The following MARS1 variants were observed in gnomAD, a reference collection of about 807,000 sequenced individuals.
The protein encoded by MARS1 is methionyl-tRNA synthetase 1.
In MARS1, 80 loss-of-function variants were observed where a neutral mutation model predicts 119.5. The ratio of observed to expected loss-of-function variants is 0.67; its 90% CI spans 0.56 to 0.81. The LOEUF (loss-of-function observed/expected upper bound fraction) is 0.81. MARS1 is among the 30% of genes least tolerant of loss of function. The pLI is 0.00. For synonymous variants in MARS1, 418 were observed against 433.4 expected, an observed-to-expected ratio of 0.96 and a Z score of 0.44; for missense variants, 945 against 1,116.5, an observed-to-expected ratio of 0.85 and a Z score of 2.19.
At chr12:57,508,433 C>CG (rs1877338821) in intron 11 of MARS1, among the ~76,000 whole-genome samples, 1 of 152,256 alleles carries the variant, frequency 6.6e-6, no homozygotes, top group Non-Finnish European at 1.5e-5. Flanking sequence ...CCGAGGCTGG[C>CG]GGATCACTGG....
At position 57,489,423 on chromosome 12, in the gene MARS1, G is replaced by A. The variant is rs1331898049; in HGVS notation, c.280-1G>A. 2 of 1,614,142 alleles carry A rather than the reference G, an allele frequency of 1.2e-6. No homozygotes were observed. Among genetic ancestry groups the A allele is most frequent in the South Asian group, 1.1e-5 (1 of 91,086 alleles). ...CCTGACTCATGTCCCCTGCATTTTA[G>A]CCAGCTTTGTCTGCTGCCCTGTACT... On this transcript the variant is annotated splice_acceptor_variant, in intron 3 of 20. Transcript: ENST00000262027. LOFTEE classifies it high-confidence loss of function.
intron 14 of MARS1, 166 bp downstream of exon 14, chr12:57,512,519 G>A: frequency 1.5e-6 from 1 of 658,774 alleles, no homozygotes; most frequent in Admixed American, 2.8e-5. Context: ...AGAACCTGAA[G>A]AAAGCAAAAG....
At chr12:57,489,398 C>T (rs781692382) in intron 3 of MARS1, 26 bp from the exon 4 acceptor site, 2 of 1,614,142 alleles carry the variant, frequency 1.2e-6, no homozygotes, top group Non-Finnish European at 1.7e-6. Context: ...GCGTGGCCAT[C>T]CTGACTCATG....
intron 11 of MARS1, 71 bp from the exon 12 acceptor site, chr12:57,511,627 A>G (rs953171871): frequency 8.4e-6 from 13 of 1,538,580 alleles, no homozygotes; most frequent in South Asian, 1.1e-5. Flanking sequence ...CAAAAAGGTT[A>G]TATGTGTTTA....
Position 57,515,195 on chromosome 12 carries a change from C to G in MARS1, c.2250C>G (p.Ala750=). 5 of 1,614,186 alleles carry G rather than the reference C, an allele frequency of 3.1e-6. No homozygotes were observed. The highest frequency in any genetic ancestry group is 4.2e-6 in the Non-Finnish European group (5 of 1,180,034). The part of the protein sequence containing the change: ...TVTGLAVNIA[A]LLSVMLQPYM... ...CTGGCTTGGCAGTGAATATAGCTGC[C>G]TTGCTCTCTGTCATGCTTCAGCCTT... The change falls in exon 18 of 21, where the codon GCC becomes GCG. Residue 750 remains alanine (A), a synonymous_variant. Coordinates refer to ENST00000262027, the MANE Select transcript of MARS1 (RefSeq NM_004990.4).
chr12:57,493,187 CTT>C (rs1187006493), intron 7 of MARS1, among the ~76,000 whole-genome samples: 1 of 146,922 alleles, frequency 6.8e-6, no homozygotes, highest in East Asian at 2.0e-4. Context: ...AGAGGTGTCT[CTT>C]TTATGGGGCT....
At chr12:57,503,948 A>C in intron 10 of MARS1, 2 of 402,162 alleles carry the variant, frequency 5.0e-6, no homozygotes, top group South Asian at 6.4e-5. Flanking sequence ...AGCCAAGTAC[A>C]GTGCAGTGCT....
chr12:57,499,323 C>T (rs1260957081), intron 9 of MARS1, among the ~76,000 whole-genome samples: 23 of 144,706 alleles, frequency 1.6e-4, no homozygotes, highest in South Asian at 4.4e-4. Flanking sequence ...GGGCTGGGCG[C>T]GGTGGCTCAC....
Position 57,516,247 on chromosome 12 carries a change from A to C in MARS1, c.2466A>C (p.Ala822=), listed in dbSNP as rs770524008. ...SLRQRFGGGQ[A]KTSPKPAVVE... is the part of the protein sequence containing the mutation. ...GTGATAACTTTGTTGTTCTCCAGGC[A>C]AAAACGTCCCCGAAGCCAGCAGTTG... Residue 822 remains alanine, a splice_region_variant and synonymous_variant, in exon 20 of 21, where the codon GCA becomes GCC. Transcript: ENST00000262027. The C allele has an allele frequency of 2.5e-6, 4 of 1,614,116 alleles. No individual in the cohort carries two copies. In the Admixed American group the frequency reaches 5.0e-5, roughly 20 times the overall value.
intron 9 of MARS1, among the ~76,000 whole-genome samples, chr12:57,499,713 A>T (rs933518605): frequency 1.3e-5 from 2 of 152,158 alleles, no homozygotes; most frequent in Non-Finnish European, 2.9e-5. Context: ...AGCTTGGCCA[A>T]CATGGTGAAA....
At chr12:57,515,419 C>G (rs994003896) in intron 18 of MARS1, 83 bp downstream of exon 18, 3 of 1,369,480 alleles carry the variant, frequency 2.2e-6, no homozygotes, top group Non-Finnish European at 3.0e-6. Context: ...CCTAACATCT[C>G]TCCAGTGTTA....
At chr12:57,504,194 C>T (rs747862078) in intron 10 of MARS1, 31 bp from the exon 11 acceptor site, 2 of 1,565,924 alleles carry the variant, frequency 1.3e-6, no homozygotes, top group Non-Finnish European at 1.8e-6. Context: ...GCCTGCAGGC[C>T]TGATCTGTCC....
At position 57,515,953 on chromosome 12, in the gene MARS1, C is replaced by A; in HGVS notation, c.2425C>A (p.Gln809Lys). Residue 809 changes from glutamine to lysine, a missense_variant, in exon 19 of 21, where the codon CAG becomes AAG. By Grantham distance (53) the Gln-to-Lys change is moderately conservative. Transcript: ENST00000262027. ...CTTGTTCCAAAAATTGGAAAATGACCAGATTGAAAGTTTAAGGCAGCGCTT... is the reference window on the plus strand; with the variant it reads ...CTTGTTCCAAAAATTGGAAAATGACAAGATTGAAAGTTTAAGGCAGCGCTT... Reference protein sequence around the residue: ...SPLFQKLENDQIESLRQRFGG... With the variant: ...SPLFQKLENDKIESLRQRFGG... 1 of 1,613,916 alleles carries A rather than the reference C, an allele frequency of 6.2e-7. No individual in the cohort carries two copies. Among genetic ancestry groups the A allele is most frequent in the Non-Finnish European group, 8.5e-7 (1 of 1,179,976 alleles).
intron 6 of MARS1, 32 bp from the exon 7 acceptor site, chr12:57,490,506 A>G (rs1228747044): frequency 6.2e-7 from 1 of 1,612,516 alleles, no homozygotes. Context: ...GGCCCTCCTC[A>G]CCTGGTAAGG....
Position 57,516,340 on chromosome 12 carries a change from A to T in MARS1, c.2556+3A>T. On this transcript the variant is annotated splice_donor_region_variant and intron_variant, in intron 20 of 20. Transcript: ENST00000262027. ...TGATGGATGAAGTGACAAAACAAGT[A>T]TGAAGCTTAAGCCCTGTGGGAGACT... The T allele has an allele frequency of 6.2e-7, 1 of 1,614,172 alleles. No individual in the cohort carries two copies. Among genetic ancestry groups the T allele is most frequent in the Non-Finnish European group, 8.5e-7 (1 of 1,179,994 alleles).
chr12:57,501,978 GC>G (rs1359760034), intron 10 of MARS1, among the ~76,000 whole-genome samples: 1 of 152,004 alleles, frequency 6.6e-6, no homozygotes, highest in Non-Finnish European at 1.5e-5. Flanking sequence ...GGGTGACAGA[GC>G]AAGACTGTTC....
chr12:57,515,374 CT>C, intron 18 of MARS1, 38 bp downstream of exon 18: 1 of 1,593,402 alleles, frequency 6.3e-7, no homozygotes. Context: ...AATTGATACT[CT>C]TGCCATGCAG....
In MARS1 at chr12:57,516,646, C is replaced by A; in HGVS notation, c.*65C>A. The stretch of plus-strand genomic sequence containing the variant: ...ACAGTAATAAATAAATGTACAATCT[C>A]TATATACAAGCTGAGACCTTTCCTT... On this transcript the variant is annotated 3_prime_UTR_variant, in exon 21 of 21. Transcript: ENST00000262027. The A allele has an allele frequency of 6.5e-7, 1 of 1,527,646 alleles. No individual in the cohort carries two copies. The highest frequency in any genetic ancestry group is 8.8e-7 in the Non-Finnish European group (1 of 1,141,360). The allele number at this position is 1,527,646 out of a possible 1,614,324, so 94.6% of individuals were successfully genotyped here. A position where few individuals can be genotyped will look rare whatever the true frequency, so the allele number is the denominator to read the frequency against.
intron 12 of MARS1, 31 bp downstream of exon 12, chr12:57,511,899 G>A (rs1274392179): frequency 6.2e-7 from 1 of 1,612,178 alleles, no homozygotes; most frequent in Non-Finnish European, 8.5e-7. Flanking sequence ...ATATCATTCA[G>A]CCTTAGTGTT....
Sources: allele counts gnomAD v4.1 joint callset (sites outside exome capture counted in the v4.1 genomes callset), GRCh38; gene constraint gnomAD v4.1.1; transcripts MANE v1.5; gene names NCBI Gene and HGNC (gene_info 2026-07-23, HGNC 2026-07-21).